FSTL5: variants seen among roughly 807,000 people sequenced by gnomAD.
FSTL5 encodes follistatin like 5.
Under a neutral mutation model 89.1 loss-of-function variants are expected in FSTL5, and 62 were observed. That is an observed-to-expected ratio of 0.70 (90% CI 0.57 to 0.86). The LOEUF is 0.86. Ranked by LOEUF, FSTL5 falls within the 40% of genes least tolerant of loss-of-function variation. The pLI is 0.00. For missense variants in FSTL5, 1,057 were observed against 1,001.6 expected (o/e 1.06, Z -0.75); for synonymous variants, 383 against 346.2 (o/e 1.11, Z -1.18).
intron 2 of FSTL5, among the ~76,000 whole-genome samples, chr4:162,048,518 C>G (rs1738275130): frequency 6.6e-6 from 1 of 152,016 alleles, no homozygotes; most frequent in South Asian, 2.1e-4. Flanking sequence ...ATAAGACCTT[C>G]ACTACTATCA....
intron 3 of FSTL5, among the ~76,000 whole-genome samples, chr4:162,014,121 T>C (rs1170406173): frequency 6.6e-6 from 1 of 152,148 alleles, no homozygotes; most frequent in African/African-American, 2.4e-5. Flanking sequence ...TGGAGGCAAG[T>C]GGGAGGCTCA....
chr4:161,734,223 A>G (rs1739713744), intron 6 of FSTL5, among the ~76,000 whole-genome samples: 1 of 152,174 alleles, frequency 6.6e-6, no homozygotes, highest in Non-Finnish European at 1.5e-5. Context: ...TTTTAAATAA[A>G]AAAATAAGTA....
intron 4 of FSTL5, among the ~76,000 whole-genome samples, chr4:161,865,756 A>C (rs1732065000): frequency 6.6e-6 from 1 of 151,998 alleles, no homozygotes; most frequent in African/African-American, 2.4e-5. Context: ...AGATTGCTAT[A>C]TTATATTGAA....
chr4:162,051,777 C>T (rs1330685004), intron 2 of FSTL5, among the ~76,000 whole-genome samples: 1 of 150,684 alleles, frequency 6.6e-6, no homozygotes, highest in African/African-American at 2.4e-5. Context: ...TTAGACTGAA[C>T]CAAAGGAAAG....
chr4:161,518,722 C>A (rs1458422701), intron 10 of FSTL5, among the ~76,000 whole-genome samples: 1 of 152,218 alleles, frequency 6.6e-6, no homozygotes, highest in African/African-American at 2.4e-5. Flanking sequence ...CAACATCCAT[C>A]TTTCCTTCAA....
At chr4:162,119,627 A>G (rs533796687) in intron 1 of FSTL5, among the ~76,000 whole-genome samples, 4 of 152,230 alleles carry the variant, frequency 2.6e-5, no homozygotes, top group Non-Finnish European at 5.9e-5. Context: ...AGATCAGGGT[A>G]AGTTGCATAT....
chr4:161,929,501 TA>T (rs1734221336), intron 3 of FSTL5, among the ~76,000 whole-genome samples: 1 of 151,716 alleles, frequency 6.6e-6, no homozygotes, highest in African/African-American at 2.4e-5. Flanking sequence ...ATCTAAAAAG[TA>T]AGCTGGGATT....
intron 6 of FSTL5, among the ~76,000 whole-genome samples, chr4:161,681,277 G>A (rs943149145): frequency 4.0e-5 from 6 of 151,870 alleles, no homozygotes; most frequent in African/African-American, 1.5e-4. Context: ...TGCTATAAAA[G>A]GGAAATCAAA....
At chr4:161,667,211 C>G (rs1269688750) in intron 6 of FSTL5, among the ~76,000 whole-genome samples, 6 of 151,934 alleles carry the variant, frequency 3.9e-5, no homozygotes, top group Non-Finnish European at 5.9e-5. Context: ...TTCTATCTTT[C>G]AAATGAATTA....
intron 2 of FSTL5, among the ~76,000 whole-genome samples, chr4:162,106,118 C>G (rs573779187): frequency 2.0e-5 from 3 of 152,068 alleles, no homozygotes; most frequent in Non-Finnish European, 2.9e-5. Flanking sequence ...AAATAGCAAC[C>G]CTCTTAGGAA....
chr4:161,929,681 G>GTA (rs1553983438), intron 3 of FSTL5, among the ~76,000 whole-genome samples: 1 of 115,448 alleles, frequency 8.7e-6, no homozygotes, highest in African/African-American at 3.2e-5. Flanking sequence ...GTGTGTGTGT[G>GTA]TGTGTGTGTG....
chr4:162,119,446 T>C (rs1485255026), intron 1 of FSTL5, among the ~76,000 whole-genome samples: 1 of 152,200 alleles, frequency 6.6e-6, no homozygotes. Flanking sequence ...TATGTCCAGA[T>C]TGTATGTAAA....
chr4:162,098,441 A>G (rs2111375880), intron 2 of FSTL5, among the ~76,000 whole-genome samples: 1 of 152,146 alleles, frequency 6.6e-6, no homozygotes, highest in South Asian at 2.1e-4. Flanking sequence ...TTCAAGACTC[A>G]GAGAATACGC....
rs1741388135 is a variant in FSTL5 at position 161,775,830 on chromosome 4, G to C, written c.606+48C>G. 14 of 913,666 alleles carry C rather than the reference G, an allele frequency of 1.5e-5. No individual in the cohort carries two copies. In the East Asian group the frequency reaches 3.9e-4, roughly 26 times the overall value. 56.6% of individuals were successfully genotyped at this position (913,666 alleles called of 1,614,324 possible). ...TAAATTTAGAAAAAGTAAATATATT[G>C]TGCATGCTATATTTCAGTAAGTTTG... On this transcript the variant is annotated intron_variant, in intron 5 of 15. Coordinates refer to ENST00000306100, the MANE Select transcript of FSTL5 (RefSeq NM_020116.5).
chr4:161,816,401 A>T (rs1032428103), intron 4 of FSTL5, among the ~76,000 whole-genome samples: 1 of 152,300 alleles, frequency 6.6e-6, no homozygotes, highest in South Asian at 2.1e-4. Context: ...TCATAGTTTT[A>T]TATCTTCGTG....
At chr4:161,476,488 A>T (rs1734155928) in intron 13 of FSTL5, among the ~76,000 whole-genome samples, 1 of 152,042 alleles carries the variant, frequency 6.6e-6, no homozygotes, top group African/African-American at 2.4e-5. Flanking sequence ...ATACATGCCC[A>T]GCCACTGCTG....
intron 4 of FSTL5, among the ~76,000 whole-genome samples, chr4:161,846,318 A>G (rs1731367729): frequency 6.6e-6 from 1 of 152,096 alleles, no homozygotes; most frequent in South Asian, 2.1e-4. Context: ...AAAATTCTAT[A>G]ATCATATAAT....
chr4:161,990,511 G>T (rs1578924087), intron 3 of FSTL5, among the ~76,000 whole-genome samples: 1 of 151,842 alleles, frequency 6.6e-6, no homozygotes, highest in Non-Finnish European at 1.5e-5. Flanking sequence ...ATACATAGCT[G>T]AAAATATAAA....
At chr4:162,013,853 C>T (rs1736839967) in intron 3 of FSTL5, among the ~76,000 whole-genome samples, 1 of 151,538 alleles carries the variant, frequency 6.6e-6, no homozygotes, top group African/African-American at 2.4e-5. Flanking sequence ...TATCCATAGG[C>T]ATTAAAAAAA....
Sources: allele counts gnomAD v4.1 joint callset (sites outside exome capture counted in the v4.1 genomes callset), GRCh38; gene constraint gnomAD v4.1.1; transcripts MANE v1.5; gene names NCBI Gene and HGNC (gene_info 2026-07-23, HGNC 2026-07-21).